Variants in LRRIQ1 observed in about 807,000 individuals in gnomAD.
The protein encoded by LRRIQ1 is leucine rich repeats and IQ motif containing 1, also known as leucine-rich repeat- and IQ domain-containing protein 1.
In LRRIQ1, 210 loss-of-function variants were observed where a neutral mutation model predicts 211.9. That is an observed-to-expected ratio of 0.99 (90% confidence interval 0.89 to 1.11). LRRIQ1 has a LOEUF of 1.11. Ranked by LOEUF, LRRIQ1 falls within the 50% of genes most tolerant of loss-of-function variation. The probability of loss-of-function intolerance (pLI) is 0.00; values close to 1 mark genes in which losing one functional copy is unlikely to be tolerated. For synonymous variants in LRRIQ1, 699 were observed against 650.1 expected (o/e 1.08, Z -1.14); for missense variants, 2,136 against 1,939.5 (o/e 1.10, Z -1.90).
Position 85,244,792 on chromosome 12 carries a change from A to C in LRRIQ1, c.5020A>C (p.Arg1674=). Residue 1674 remains arginine (R), a synonymous_variant, in exon 27 of 27, where the codon AGA becomes CGA. Transcript: ENST00000393217. ...LNGGRVQLVA[R]LVSREDTDLD... ...CATTCTCTTCCATTGCTCCCAGGCA[A>C]GACTTGTAAGCAGAGAAGACACGGA... 6.2e-7 allele frequency: 1 copy of C among 1,610,978 alleles called. No homozygotes were observed. Among genetic ancestry groups the C allele is most frequent in the Non-Finnish European group, 8.5e-7 (1 of 1,177,812 alleles).
At chr12:85,150,569 G>A (rs1321288713) in intron 19 of LRRIQ1, among the ~76,000 whole-genome samples, 1 of 151,664 alleles carries the variant, frequency 6.6e-6, no homozygotes, top group Non-Finnish European at 1.5e-5. Flanking sequence ...AAATACATTA[G>A]AAATAAATGG....
At chr12:85,088,755 G>T (rs544443609) in intron 11 of LRRIQ1, among the ~76,000 whole-genome samples, 1 of 152,100 alleles carries the variant, frequency 6.6e-6, no homozygotes, top group South Asian at 2.1e-4. Flanking sequence ...TGTTATTGGT[G>T]TAGAGGAATG....
intron 13 of LRRIQ1, among the ~76,000 whole-genome samples, chr12:85,103,741 A>G (rs1886565256): frequency 6.6e-6 from 1 of 151,780 alleles, no homozygotes; most frequent in South Asian, 2.1e-4. Context: ...GATTGAAATT[A>G]GTAATTTCAG....
At chr12:85,263,446 G>A in exon 2 of LRRIQ1, 1 of 151,870 alleles carries the variant, frequency 6.6e-6, no homozygotes, top group East Asian at 1.9e-4. Flanking sequence ...TAGCAATAAT[G>A]ATTAATATAT....
At chr12:85,213,265 C>A (rs747285064) in intron 24 of LRRIQ1, among the ~76,000 whole-genome samples, 6 of 151,626 alleles carry the variant, frequency 4.0e-5, no homozygotes, top group African/African-American at 7.3e-5. Flanking sequence ...AGCAGAATTT[C>A]AAAATGATAA....
intron 11 of LRRIQ1, among the ~76,000 whole-genome samples, chr12:85,079,838 C>A (rs1407105502): frequency 6.6e-6 from 1 of 151,914 alleles, no homozygotes; most frequent in African/African-American, 2.4e-5. Context: ...TATTTACCAG[C>A]TACATATTAT....
At chr12:85,043,062 G>C (rs1879092560) in intron 3 of LRRIQ1, among the ~76,000 whole-genome samples, 1 of 151,932 alleles carries the variant, frequency 6.6e-6, no homozygotes, top group Non-Finnish European at 1.5e-5. Context: ...TATTGATCGG[G>C]GTTCTCAGTT....
chr12:85,083,921 A>T (rs1361298923), intron 11 of LRRIQ1, among the ~76,000 whole-genome samples: 2 of 152,124 alleles, frequency 1.3e-5, no homozygotes, highest in Non-Finnish European at 2.9e-5. Flanking sequence ...TTGTATTTTT[A>T]TATGTCAGTA....
chr12:85,050,127 T>C lies in LRRIQ1; in HGVS notation c.679-2050T>C, dbSNP rs1334986215. Among the ~76,000 whole-genome samples the C allele has an allele frequency of 3.3e-5, 5 of 152,242 alleles. No homozygotes were observed. In the East Asian group the frequency reaches 9.7e-4, roughly 29 times the overall value. ...ATCTCACTTATCACCAAGGGGATGG[T>C]CAAAGACCTTCATAAGGGACCTGCT... On this transcript the variant is annotated intron_variant, in intron 6 of 26. Transcript: ENST00000393217.
intron 2 of LRRIQ1, among the ~76,000 whole-genome samples, 185 bp from the exon 3 acceptor site, chr12:85,040,305 A>C (rs1400705321): frequency 1.3e-5 from 2 of 151,532 alleles, no homozygotes; most frequent in Non-Finnish European, 3.0e-5. Context: ...ATGCACAACC[A>C]CCTGAAAATT....
intron 14 of LRRIQ1, among the ~76,000 whole-genome samples, chr12:85,105,024 T>G (rs1476287383): frequency 6.6e-6 from 1 of 152,118 alleles, no homozygotes; most frequent in East Asian, 1.9e-4. Flanking sequence ...TACAAGTGTT[T>G]ATTGGTGATT....
In LRRIQ1 at chr12:85,127,888, C is replaced by G. The variant is rs764085695; in HGVS notation, c.4064C>G (p.Thr1355Ser). ...YWRGYLMRRQ[T>S]HFSTRLHTAA... Reference sequence around the variant, plus strand: ...CGTGGTTACCTCATGCGCAGACAGACTCATTTCTCCACAAGGCTACATACT... The same window carrying G: ...CGTGGTTACCTCATGCGCAGACAGAGTCATTTCTCCACAAGGCTACATACT... Residue 1355 changes from threonine to serine, a missense_variant, in exon 18 of 27, where the codon ACT (threonine) becomes AGT (serine). Transcript: ENST00000393217. The G allele has an allele frequency of 5.0e-6, 8 of 1,613,810 alleles. No individual in the cohort carries two copies. Among genetic ancestry groups the G allele is most frequent in the Non-Finnish European group, 6.8e-6 (8 of 1,179,992 alleles).
chr12:85,272,401 T>A, the LRRIQ1 span, among the ~76,000 whole-genome samples: 1 of 152,148 alleles, frequency 6.6e-6, no homozygotes, highest in Non-Finnish European at 1.5e-5. Context: ...AGTGGCTGTG[T>A]ACCTCTCCCC....
intron 11 of LRRIQ1, among the ~76,000 whole-genome samples, chr12:85,079,657 G>A (rs1884060229): frequency 6.6e-6 from 1 of 152,042 alleles, no homozygotes; most frequent in East Asian, 1.9e-4. Flanking sequence ...TTGATTTGTA[G>A]CCATTAGTCC....
chr12:85,120,744 A>G (rs891593001), intron 15 of LRRIQ1, among the ~76,000 whole-genome samples: 5 of 152,084 alleles, frequency 3.3e-5, no homozygotes, highest in Admixed American at 2.0e-4. Flanking sequence ...CATAGGAACT[A>G]TTAGTTTTTA....
chr12:85,051,967 C>CT (rs1439475953), intron 6 of LRRIQ1, among the ~76,000 whole-genome samples: 1 of 152,116 alleles, frequency 6.6e-6, no homozygotes, highest in Non-Finnish European at 1.5e-5. Context: ...TTGCAAACTT[C>CT]TTTATGTTCT....
Position 85,221,172 on chromosome 12 carries a change from C to T in LRRIQ1, c.4823-8345C>T, listed in dbSNP as rs375895360. On this transcript the variant is annotated intron_variant, in intron 24 of 26. Transcript: ENST00000393217. ...ATTTTTATCCCAATCTAATCTTGACCTTCAGAGCTAAAGTTTCTATTATAA... is the reference window on the plus strand; with the variant it reads ...ATTTTTATCCCAATCTAATCTTGACTTTCAGAGCTAAAGTTTCTATTATAA... Among the ~76,000 whole-genome samples the T allele has an allele frequency of 4.1e-4, 62 of 152,118 alleles. 2 individuals are homozygous for T. In the East Asian group the frequency reaches 5.0e-3, roughly 12 times the overall value.
rs111451862 is a variant in LRRIQ1 at position 85,063,820 on chromosome 12, A to G, written c.2392-1442A>G. Reference sequence around the variant, plus strand: ...TTGTCTATCTGTACTGGTTTATTTCACTTAATGACTTCCAATTTTATCTAT... The same window carrying G: ...TTGTCTATCTGTACTGGTTTATTTCGCTTAATGACTTCCAATTTTATCTAT... On this transcript the variant is annotated intron_variant, in intron 8 of 26. Transcript: ENST00000393217. Among the ~76,000 whole-genome samples, 5 of 151,816 alleles carry G rather than the reference A, an allele frequency of 3.3e-5. 1 individual carries two copies. Among genetic ancestry groups the G allele is most frequent in the African/African-American group, 1.2e-4 (5 of 41,486 alleles).
intron 11 of LRRIQ1, among the ~76,000 whole-genome samples, chr12:85,081,243 C>G (rs1592756189): frequency 6.6e-6 from 1 of 152,076 alleles, no homozygotes. Context: ...GATCTTCTCA[C>G]TTTTGAATCT....
Sources: allele counts gnomAD v4.1 joint callset (sites outside exome capture counted in the v4.1 genomes callset), GRCh38; gene constraint gnomAD v4.1.1; transcripts MANE v1.5; gene names NCBI Gene and HGNC (gene_info 2026-07-23, HGNC 2026-07-21).